NARS1: variants seen among roughly 807,000 people sequenced by gnomAD.
NARS1 encodes asparaginyl-tRNA synthetase 1.
NARS1 carries 65 observed loss-of-function variants against 79.2 expected under a neutral mutation model. That is an observed-to-expected ratio of 0.82 (90% confidence interval 0.67 to 1.01). The LOEUF (loss-of-function observed/expected upper bound fraction) is 1.01, where lower values mean the gene tolerates loss of function less well. NARS1 is among the 50% of genes least tolerant of loss of function. The probability of loss-of-function intolerance (pLI) is 0.00; values close to 1 mark genes in which losing one functional copy is unlikely to be tolerated. For synonymous variants in NARS1, 229 were observed against 238.8 expected, an observed-to-expected ratio of 0.96 and a Z score of 0.38; for missense variants, 649 against 673.8, an observed-to-expected ratio of 0.96 and a Z score of 0.41.
intron 6 of NARS1, 26 bp from the exon 7 acceptor site, chr18:57,609,469 T>C (rs755459031): frequency 2.5e-6 from 4 of 1,581,460 alleles, no homozygotes; most frequent in Non-Finnish European, 2.6e-6. Context: ...AGCTCAAATT[T>C]AGTTATTCAC....
chr18:57,609,424 A>G lies in NARS1; in HGVS notation c.512T>C (p.Val171Ala), dbSNP rs765313197. 6.2e-7 allele frequency: 1 copy of G among 1,613,892 alleles called. No individual in the cohort carries two copies. The highest frequency in any genetic ancestry group is 1.1e-5 in the South Asian group (1 of 91,058). The change falls in exon 7 of 14, where the codon GTT (valine) becomes GCT (alanine). Residue 171 changes from valine to alanine, a missense_variant. Coordinates refer to ENST00000256854, the MANE Select transcript of NARS1 (RefSeq NM_004539.4). ...AACACTGCTCTCCGTGGACAAGAGAACTCCATTGTAGCACTGACACTATAA... is the reference window on the plus strand; with the variant it reads ...AACACTGCTCTCCGTGGACAAGAGAGCTCCATTGTAGCACTGACACTATAA... The part of the protein sequence containing the change: ...ADELCQCYNG[V>A]LLSTESSVAV...
At chr18:57,615,494 T>G in intron 4 of NARS1, 147 bp downstream of exon 4, 1 of 587,056 alleles carries the variant, frequency 1.7e-6, no homozygotes, top group Non-Finnish European at 2.9e-6. Flanking sequence ...AGAGCAAGAC[T>G]CCGTCTCAAA....
At chr18:57,621,382 G>C (rs1436047893) in intron 1 of NARS1, among the ~76,000 whole-genome samples, 1 of 152,116 alleles carries the variant, frequency 6.6e-6, no homozygotes, top group Non-Finnish European at 1.5e-5. Context: ...AGAACTGCAG[G>C]AGTAGGGGCT....
chr18:57,618,612 T>C (rs1299987615), intron 2 of NARS1, among the ~76,000 whole-genome samples: 1 of 151,952 alleles, frequency 6.6e-6, no homozygotes, highest in Non-Finnish European at 1.5e-5. Context: ...GGTTAAAAAG[T>C]AAAACCCAGC....
chr18:57,601,608 C>T lies in NARS1; in HGVS notation c.*44G>A, dbSNP rs751613291. ...CTTTTTGTTTTCTTTTTTAAAGAGCCTGTTCCTTTCATAATCTTTCCTCCA... is the reference window on the plus strand; with the variant it reads ...CTTTTTGTTTTCTTTTTTAAAGAGCTTGTTCCTTTCATAATCTTTCCTCCA... On this transcript the variant is annotated 3_prime_UTR_variant, in exon 14 of 14. Coordinates refer to ENST00000256854, the MANE Select transcript of NARS1 (RefSeq NM_004539.4). 9 of 1,592,598 alleles carry T rather than the reference C, an allele frequency of 5.7e-6. No individual in the cohort carries two copies. The highest frequency in any genetic ancestry group is 7.7e-6 in the Non-Finnish European group (9 of 1,164,904).
intron 9 of NARS1, 82 bp from the exon 10 acceptor site, chr18:57,606,833 T>C (rs1355240738): frequency 6.4e-7 from 1 of 1,564,582 alleles, no homozygotes; most frequent in Non-Finnish European, 8.7e-7. Context: ...ATTGGGAAGC[T>C]GTCCATAAAA....
intron 6 of NARS1, among the ~76,000 whole-genome samples, chr18:57,610,926 A>C (rs773571067): frequency 3.3e-5 from 5 of 151,938 alleles, no homozygotes; most frequent in Non-Finnish European, 7.4e-5. Flanking sequence ...TAGTTGTATT[A>C]ATTTGGTGGA....
At chr18:57,621,571 T>TC in intron 1 of NARS1, 137 bp downstream of exon 1, 14 of 282,256 alleles carry the variant, frequency 5.0e-5, no homozygotes, top group South Asian at 8.8e-5. Context: ...CCTCCCTCCC[T>TC]CCCTCCCTGC....
chr18:57,603,704 T>G (rs317830), intron 11 of NARS1, among the ~76,000 whole-genome samples: 39,657 of 152,038 alleles, frequency 0.26, 5,976 homozygotes, highest in East Asian at 0.55. Flanking sequence ...AATGAAGAAG[T>G]GAAATGGAGG....
intron 2 of NARS1, among the ~76,000 whole-genome samples, chr18:57,616,226 T>C (rs1304709786): frequency 6.6e-6 from 1 of 152,096 alleles, no homozygotes. Context: ...GAGACCATCC[T>C]GGCTAACATG....
At chr18:57,611,395 A>AT (rs1421284461) in intron 6 of NARS1, among the ~76,000 whole-genome samples, 5 of 152,242 alleles carry the variant, frequency 3.3e-5, no homozygotes, top group East Asian at 3.9e-4. Flanking sequence ...GCATTTGATG[A>AT]TTTTTTATAT....
chr18:57,621,254 CTTTT>C (rs548152796), intron 1 of NARS1, among the ~76,000 whole-genome samples: 2 of 139,330 alleles, frequency 1.4e-5, no homozygotes. Flanking sequence ...AGGTCTCTCT[CTTTT>C]TTTTTTTTTT....
In NARS1 at chr18:57,606,651, A is replaced by C. The variant is rs376825673; in HGVS notation, c.1102T>G (p.Ser368Ala). The change falls in exon 10 of 14, where the codon TCA becomes GCA. Residue 368 changes from serine to alanine, a missense_variant. Physicochemically the swap from Ser to Ala is moderately conservative, Grantham distance 99. Coordinates refer to ENST00000256854, the MANE Select transcript of NARS1 (RefSeq NM_004539.4). ...VCDVVDRILK[S>A]PAGSIVHELN... ...TCATGCACTATGCTCCCTGCAGGTG[A>C]CTTCAATATTCGATCTACCACATCA... 2 of 1,614,086 alleles carry C rather than the reference A, an allele frequency of 1.2e-6. No individual in the cohort carries two copies. Among genetic ancestry groups the C allele is most frequent in the Non-Finnish European group, 1.7e-6 (2 of 1,180,008 alleles).
At position 57,609,368 on chromosome 18, in the gene NARS1, T is replaced by G; in HGVS notation, c.568A>C (p.Lys190Gln). 6.2e-7 allele frequency: 1 copy of G among 1,613,374 alleles called. No homozygotes were observed. Among genetic ancestry groups the G allele is most frequent in the South Asian group, 1.1e-5 (1 of 91,024 alleles). The change falls in exon 7 of 14, where the codon AAG (lysine) becomes CAG (glutamine). Residue 190 changes from lysine to glutamine, a missense_variant. Coordinates refer to ENST00000256854, the MANE Select transcript of NARS1 (RefSeq NM_004539.4). ...CTCAATCCACTCACCTGCTTGCCCT[T>G]TGGGGTAAGATTTAGCATTCCATAC... ...AVYGMLNLTP[K>Q]GKQAPGGHEL... is the part of the protein sequence containing the mutation.
At chr18:57,611,903 C>T (rs1044221267) in intron 5 of NARS1, among the ~76,000 whole-genome samples, 196 bp from the exon 6 acceptor site, 2 of 152,092 alleles carry the variant, frequency 1.3e-5, no homozygotes, top group African/African-American at 2.4e-5. Context: ...GCTGGGACTA[C>T]AGGCACATGC....
intron 2 of NARS1, among the ~76,000 whole-genome samples, chr18:57,618,016 C>A (rs1908130528): frequency 6.6e-6 from 1 of 151,804 alleles, no homozygotes; most frequent in Admixed American, 6.6e-5. Context: ...GTGGCACACG[C>A]CTGTAATCCC....
chr18:57,609,216 C>T (rs1320893432), intron 7 of NARS1, 141 bp downstream of exon 7: 3 of 587,662 alleles, frequency 5.1e-6, no homozygotes, highest in Admixed American at 3.2e-5. Context: ...TAAAAACTCC[C>T]TTTCACATAT....
In NARS1 at chr18:57,621,746, G is replaced by T; in HGVS notation, c.-29C>A. On this transcript the variant is annotated 5_prime_UTR_variant, in exon 1 of 14. Coordinates refer to ENST00000256854, the MANE Select transcript of NARS1 (RefSeq NM_004539.4). ...TGCAGTGGCCCTGGTCACCTCCAAG[G>T]ACACAGACTGCAACACCGACGCCGT... The T allele has an allele frequency of 6.2e-7, 1 of 1,613,910 alleles. No homozygotes were observed. The highest frequency in any genetic ancestry group is 8.5e-7 in the Non-Finnish European group (1 of 1,180,020).
chr18:57,616,048 T>C, intron 2 of NARS1, 73 bp from the exon 3 acceptor site: 1 of 1,339,610 alleles, frequency 7.5e-7, no homozygotes, highest in Non-Finnish European at 1.0e-6. Flanking sequence ...ACATCTCAAG[T>C]ATAAGGCAAC....
Sources: allele counts gnomAD v4.1 joint callset (sites outside exome capture counted in the v4.1 genomes callset), GRCh38; gene constraint gnomAD v4.1.1; transcripts MANE v1.5; gene names NCBI Gene and HGNC (gene_info 2026-07-23, HGNC 2026-07-21).